Variants in PPM1H observed in about 807,000 individuals in gnomAD.
PPM1H encodes protein phosphatase, Mg2+/Mn2+ dependent 1H.
A neutral mutation model predicts 54.9 loss-of-function variants in PPM1H; 27 were observed. The ratio of observed to expected loss-of-function variants is 0.49; its 90% CI spans 0.36 to 0.68. The LOEUF is 0.68. Among genes scored for constraint, PPM1H ranks in the 30% least tolerant of loss-of-function variants. The pLI, the probability that PPM1H is intolerant of heterozygous loss-of-function variation, is 0.00. For missense variants in PPM1H, 596 were observed against 667.8 expected (o/e 0.89, Z 1.19); for synonymous variants, 305 against 270.8 (o/e 1.13, Z -1.24).
At chr12:62,847,172 G>A (rs1315595953) in intron 1 of PPM1H, among the ~76,000 whole-genome samples, 4 of 152,172 alleles carry the variant, frequency 2.6e-5, no homozygotes, top group Non-Finnish European at 4.4e-5. Flanking sequence ...GGGGAAGAGA[G>A]GGAGAGACAA....
intron 6 of PPM1H, among the ~76,000 whole-genome samples, chr12:62,719,187 G>T (rs2076250926): frequency 6.6e-6 from 1 of 152,168 alleles, no homozygotes; most frequent in Non-Finnish European, 1.5e-5. Flanking sequence ...CTTGTTCCCT[G>T]AAGACAGTAT....
chr12:62,689,000 T>TACAAA (rs569498629), intron 8 of PPM1H, among the ~76,000 whole-genome samples: 2 of 151,932 alleles, frequency 1.3e-5, no homozygotes, highest in Admixed American at 6.6e-5. Context: ...TGTCTCAAAA[T>TACAAA]ACAAAACAAA....
intron 7 of PPM1H, 49 bp downstream of exon 7, chr12:62,693,887 G>C: frequency 6.5e-7 from 1 of 1,535,538 alleles, no homozygotes; most frequent in Non-Finnish European, 9.0e-7. Context: ...TGGAGCGAAG[G>C]CGGGACAGAG....
At chr12:62,822,362 C>T (rs920040497) in intron 2 of PPM1H, among the ~76,000 whole-genome samples, 8 of 152,156 alleles carry the variant, frequency 5.3e-5, no homozygotes, top group African/African-American at 9.7e-5. Flanking sequence ...AGGTTAACAA[C>T]GATATCCAGG....
chr12:62,701,390 G>C (rs574848298), intron 6 of PPM1H, among the ~76,000 whole-genome samples: 8 of 152,306 alleles, frequency 5.3e-5, no homozygotes, highest in Non-Finnish European at 1.0e-4. Flanking sequence ...CTAATGAGCA[G>C]CAGTTATAGG....
chr12:62,689,051 T>C (rs2048500), intron 8 of PPM1H, among the ~76,000 whole-genome samples: 22,864 of 152,050 alleles, frequency 0.15, 2,497 homozygotes, highest in African/African-American at 0.31. Flanking sequence ...GAAAACACTG[T>C]ACGTGGAAGG....
rs1380084766 is a variant in PPM1H, at chr12:62,648,664, GTCAGTAGAGCA to G, written c.1398-39_1398-29del. On this transcript the variant is annotated intron_variant, in intron 9 of 9. Transcript: ENST00000228705. ...ACACAGGAGAACCAGGAACGAGACA[GTCAGTAGAGCA>G]TCAGACAGAAGCCAGGGTCAAGTGA... The G allele has an allele frequency of 1.9e-6, 3 of 1,611,342 alleles. No individual in the cohort carries two copies. The Admixed American group carries it at 5.0e-5, about 27-fold the overall frequency.
Position 62,712,711 on chromosome 12 carries a change from C to T in PPM1H, c.1073+7460G>A, listed in dbSNP as rs576438329. On this transcript the variant is annotated intron_variant, in intron 6 of 9. Coordinates refer to ENST00000228705, the MANE Select transcript of PPM1H (RefSeq NM_020700.2). ...TAGGCTTTCTAAGGTAGGCTAATAA[C>T]GCTGAGCTAATTAGACCCACAGGCA... is the stretch of plus-strand genomic sequence containing the variant. 7.2e-5 allele frequency among the ~76,000 whole-genome samples: 11 copies of T among 152,286 alleles called. No individual in the cohort carries two copies. In the South Asian group the frequency reaches 2.1e-3, roughly 29 times the overall value.
At chr12:62,704,434 T>C (rs2076162108) in intron 6 of PPM1H, among the ~76,000 whole-genome samples, 1 of 152,198 alleles carries the variant, frequency 6.6e-6, no homozygotes, top group Admixed American at 6.5e-5. Context: ...GGAAGATATT[T>C]TCAGTAGGTA....
At chr12:62,784,228 T>C (rs919434000) in intron 4 of PPM1H, among the ~76,000 whole-genome samples, 7 of 152,164 alleles carry the variant, frequency 4.6e-5, no homozygotes, top group African/African-American at 1.4e-4. Flanking sequence ...CCAGACCACA[T>C]GGATCAGGTA....
chr12:62,910,081 G>T (rs1379497503), intron 1 of PPM1H, among the ~76,000 whole-genome samples: 3 of 152,128 alleles, frequency 2.0e-5, no homozygotes, highest in Admixed American at 6.5e-5. Flanking sequence ...CAGGTAGAGT[G>T]GTGGGGAGGC....
At chr12:62,669,751 G>A (rs573852200) in intron 8 of PPM1H, among the ~76,000 whole-genome samples, 10 of 152,156 alleles carry the variant, frequency 6.6e-5, no homozygotes, top group Non-Finnish European at 1.2e-4. Flanking sequence ...GGGCAACATA[G>A]TGAGATCCTA....
At chr12:62,661,867 T>C (rs1226950350) in intron 9 of PPM1H, among the ~76,000 whole-genome samples, 1 of 152,240 alleles carries the variant, frequency 6.6e-6, no homozygotes, top group Non-Finnish European at 1.5e-5. Flanking sequence ...ACCATAATTG[T>C]CTAATCTGCA....
At chr12:62,693,185 C>T (rs1163239769) in intron 7 of PPM1H, among the ~76,000 whole-genome samples, 1 of 152,166 alleles carries the variant, frequency 6.6e-6, no homozygotes, top group Non-Finnish European at 1.5e-5. Flanking sequence ...AGATTCCAAG[C>T]TTCTTGCTCT....
At position 62,867,564 on chromosome 12, in the gene PPM1H, A is replaced by ATTTTTTT. The variant is rs34772338; in HGVS notation, c.246-35292_246-35286dup. On this transcript the variant is annotated intron_variant, in intron 1 of 9. Coordinates refer to ENST00000228705, the MANE Select transcript of PPM1H (RefSeq NM_020700.2). The stretch of plus-strand genomic sequence containing the variant: ...TCCTGAAATACATCTTATGAGCACT[A>ATTTTTTT]TTTTTTTTTTTTTTTTTTTTTTTTT... Among the ~76,000 whole-genome samples the ATTTTTTT allele has an allele frequency of 2.3e-3, 125 of 55,368 alleles. 23 individuals are homozygous for ATTTTTTT. The highest frequency in any genetic ancestry group is 4.2e-3 in the African/African-American group (65 of 15,608). The allele number at this position is 55,368 out of a possible 152,430, so 36.3% of individuals were successfully genotyped here. A position where few individuals can be genotyped will look rare whatever the true frequency, so the allele number is the denominator to read the frequency against.
intron 2 of PPM1H, among the ~76,000 whole-genome samples, chr12:62,810,837 G>A (rs1402418431): frequency 1.3e-5 from 2 of 152,192 alleles, no homozygotes; most frequent in Non-Finnish European, 2.9e-5. Flanking sequence ...TGAAGAAGAT[G>A]ATAAAGGACA....
At chr12:62,866,014 C>T (rs565388709) in intron 1 of PPM1H, among the ~76,000 whole-genome samples, 42 of 152,270 alleles carry the variant, frequency 2.8e-4, no homozygotes, top group Non-Finnish European at 4.4e-4. Context: ...TCTCAGCATG[C>T]ATTTATACAA....
At chr12:62,714,448 G>T (rs961163139) in intron 6 of PPM1H, among the ~76,000 whole-genome samples, 1 of 152,120 alleles carries the variant, frequency 6.6e-6, no homozygotes, top group African/African-American at 2.4e-5. Context: ...CATCAAGTTA[G>T]AATTATAAAA....
intron 2 of PPM1H, among the ~76,000 whole-genome samples, chr12:62,805,936 T>A (rs1368895837): frequency 2.0e-5 from 3 of 152,220 alleles, no homozygotes; most frequent in Non-Finnish European, 4.4e-5. Context: ...TGCACCCGTA[T>A]ATCAAATCAT....
Sources: gnomAD v4.1 joint callset for allele counts (sites outside exome capture counted in the v4.1 genomes callset) on GRCh38, gnomAD v4.1.1 for gene constraint, MANE v1.5 for transcripts, NCBI Gene and HGNC (gene_info 2026-07-23, HGNC 2026-07-21) for gene names.